The following KCNMB2 variants were observed in gnomAD, a reference collection of about 807,000 sequenced individuals.
The protein encoded by KCNMB2 is potassium calcium-activated channel subfamily M regulatory beta subunit 2, also known as calcium-activated potassium channel subunit beta-2.
Under a neutral mutation model 24.5 loss-of-function variants are expected in KCNMB2, and 9 were observed. The observed-to-expected ratio is 0.37, with a 90% confidence interval of 0.22 to 0.64. The LOEUF is 0.64. KCNMB2 is among the 30% of genes least tolerant of loss of function. The pLI is 0.63. For synonymous variants in KCNMB2, 109 were observed against 104.4 expected, an observed-to-expected ratio of 1.04 and a Z score of -0.27; for missense variants, 226 against 284.3, an observed-to-expected ratio of 0.79 and a Z score of 1.47.
At chr3:178,679,843 T>C (rs1430416090) in intron 1 of KCNMB2, among the ~76,000 whole-genome samples, 1 of 152,078 alleles carries the variant, frequency 6.6e-6, no homozygotes, top group Non-Finnish European at 1.5e-5. Flanking sequence ...GTGCCTATCA[T>C]TTGATTTTTG....
intron 1 of KCNMB2, among the ~76,000 whole-genome samples, chr3:178,631,172 C>T (rs570320233): frequency 4.6e-5 from 7 of 152,280 alleles, no homozygotes; most frequent in Non-Finnish European, 1.0e-4. Context: ...TATGGTTCAT[C>T]GGGGTAAAAG....
intron 1 of KCNMB2, among the ~76,000 whole-genome samples, chr3:178,770,759 T>C (rs1475252764): frequency 1.3e-5 from 2 of 152,176 alleles, no homozygotes; most frequent in Non-Finnish European, 2.9e-5. Flanking sequence ...GCTGGACACT[T>C]TACATGCACT....
At chr3:178,588,813 T>C (rs1435548244) in intron 1 of KCNMB2, among the ~76,000 whole-genome samples, 3 of 152,228 alleles carry the variant, frequency 2.0e-5, no homozygotes, top group African/African-American at 7.2e-5. Context: ...ACCACAGTAC[T>C]CTAAGCCTCA....
intron 1 of KCNMB2, among the ~76,000 whole-genome samples, chr3:178,592,585 G>A (rs913338398): frequency 8.5e-5 from 13 of 152,128 alleles, no homozygotes; most frequent in African/African-American, 2.9e-4. Flanking sequence ...TGTGCTATGT[G>A]TGTTTTCCAT....
intron 1 of KCNMB2, among the ~76,000 whole-genome samples, chr3:178,574,280 A>ACACACAGG (rs930089857): frequency 6.6e-6 from 1 of 152,194 alleles, no homozygotes; most frequent in African/African-American, 2.4e-5. Flanking sequence ...GCTGCACTGA[A>ACACACAGG]CACACAGGCA....
intron 4 of KCNMB2, among the ~76,000 whole-genome samples, chr3:178,839,318 A>G (rs541303647): frequency 6.6e-6 from 1 of 152,304 alleles, no homozygotes; most frequent in South Asian, 2.1e-4. Flanking sequence ...CTAACATAAA[A>G]TAAAAAGAAA....
rs540536622 is a variant in KCNMB2 at position 178,540,255 on chromosome 3, G to A, written c.-68+3544G>A. On this transcript the variant is annotated intron_variant, in intron 1 of 4. Coordinates refer to ENST00000452583, the MANE Select transcript of KCNMB2 (RefSeq NM_181361.3). Reference sequence around the variant, plus strand: ...GGCCTCTACCTTCAAACTGTGCCTAGCTTTAATTATTTCTTGTCATTTCCA... The same window carrying A: ...GGCCTCTACCTTCAAACTGTGCCTAACTTTAATTATTTCTTGTCATTTCCA... 1.4e-4 allele frequency among the ~76,000 whole-genome samples: 21 copies of A among 152,254 alleles called. No homozygotes were observed. The East Asian group carries it at 4.1e-3, about 29-fold the overall frequency.
chr3:178,680,324 G>C (rs866866059), intron 1 of KCNMB2, among the ~76,000 whole-genome samples: 2 of 152,076 alleles, frequency 1.3e-5, no homozygotes, highest in South Asian at 4.1e-4. Context: ...GGGCCTGTCC[G>C]GCTAGAAGCA....
chr3:178,748,871 G>A (rs1723753497), intron 1 of KCNMB2: 1 of 152,108 alleles, frequency 6.6e-6, no homozygotes, highest in African/African-American at 2.4e-5. Flanking sequence ...TCTCTGCTAA[G>A]GGAAGGAAGA....
intron 4 of KCNMB2, among the ~76,000 whole-genome samples, chr3:178,835,107 T>C (rs546538300): frequency 6.6e-6 from 1 of 151,594 alleles, no homozygotes; most frequent in African/African-American, 2.4e-5. Context: ...GTCAATTTCC[T>C]AGGTCTTTCA....
intron 1 of KCNMB2, among the ~76,000 whole-genome samples, chr3:178,712,495 GGC>G: frequency 6.6e-6 from 1 of 152,158 alleles, no homozygotes; most frequent in Non-Finnish European, 1.5e-5. Flanking sequence ...ACAGAGTTCT[GGC>G]TCTTGTAGCA....
chr3:178,684,089 G>T (rs1418746096), intron 1 of KCNMB2, among the ~76,000 whole-genome samples: 2 of 151,970 alleles, frequency 1.3e-5, no homozygotes, highest in Non-Finnish European at 2.9e-5. Flanking sequence ...GCCAGGATAT[G>T]GACACAACCT....
intron 4 of KCNMB2, among the ~76,000 whole-genome samples, chr3:178,840,269 C>T (rs1433930026): frequency 6.6e-6 from 1 of 152,230 alleles, no homozygotes; most frequent in African/African-American, 2.4e-5. Flanking sequence ...TGGGCAGCTT[C>T]ACCCTGTGGT....
intron 1 of KCNMB2, among the ~76,000 whole-genome samples, chr3:178,560,787 A>G (rs1030644470): frequency 6.6e-5 from 10 of 152,232 alleles, no homozygotes; most frequent in Non-Finnish European, 1.3e-4. Context: ...TGAAATAACT[A>G]TATGAAGTTA....
At chr3:178,724,217 T>C (rs1722896319) in intron 1 of KCNMB2, among the ~76,000 whole-genome samples, 1 of 152,030 alleles carries the variant, frequency 6.6e-6, no homozygotes, top group African/African-American at 2.4e-5. Flanking sequence ...TTTGAGAAGG[T>C]ATCTCATTGT....
At chr3:178,549,509 T>A (rs965323458) in intron 1 of KCNMB2, among the ~76,000 whole-genome samples, 1 of 140,190 alleles carries the variant, frequency 7.1e-6, no homozygotes, top group African/African-American at 2.7e-5. Context: ...GTATTTTTAG[T>A]AGAGATGAGG....
intron 1 of KCNMB2, among the ~76,000 whole-genome samples, chr3:178,747,868 G>A (rs1469927821): frequency 1.4e-4 from 21 of 152,150 alleles, no homozygotes; most frequent in Admixed American, 1.4e-3. Context: ...CTTATGACAG[G>A]TGTTCACCCT....
chr3:178,681,675 G>A (rs566465959), intron 1 of KCNMB2, among the ~76,000 whole-genome samples: 6 of 152,206 alleles, frequency 3.9e-5, no homozygotes, highest in Non-Finnish European at 8.8e-5. Flanking sequence ...CAAATACGTA[G>A]CCGGATACTG....
chr3:178,556,619 G>C (rs546487458), intron 1 of KCNMB2, among the ~76,000 whole-genome samples: 6 of 152,186 alleles, frequency 3.9e-5, no homozygotes, highest in South Asian at 2.1e-4. Context: ...GTTGGTCAGA[G>C]TGGTCTTGAA....
Sources: gnomAD v4.1 joint callset for allele counts (sites outside exome capture counted in the v4.1 genomes callset) on GRCh38, gnomAD v4.1.1 for gene constraint, MANE v1.5 for transcripts, NCBI Gene and HGNC (gene_info 2026-07-23, HGNC 2026-07-21) for gene names.